The following ASPM variants were observed in gnomAD, a reference collection of about 807,000 sequenced individuals.
ASPM encodes assembly factor for spindle microtubules, also known as abnormal spindle-like microcephaly-associated protein.
ASPM carries 256 observed loss-of-function variants against 366.4 expected under a neutral mutation model. The observed-to-expected ratio is 0.70, with a 90% CI of 0.63 to 0.77. ASPM has a LOEUF of 0.77. Ranked by LOEUF, ASPM falls within the 30% of genes least tolerant of loss-of-function variation. The pLI, the probability that ASPM is intolerant of heterozygous loss-of-function variation, is 0.00. For missense variants in ASPM, 4,146 were observed against 4,090.4 expected (o/e 1.01, Z -0.37); for synonymous variants, 1,414 against 1,342.9 (o/e 1.05, Z -1.16).
Position 197,102,259 on chromosome 1 carries a change from A to G in ASPM, c.6992T>C (p.Met2331Thr). ...SYRRWMIRKR[M>T]REMHRAATFI... is the part of the protein sequence containing the mutation. ...AGTAGCAGCCCTGTGCATCTCTCGC[A>G]TCCTTTTCCTTATCATCCATCTTCT... Residue 2331 changes from methionine (M) to threonine (T), a missense_variant, in exon 18 of 28, where the codon ATG (methionine) becomes ACG (threonine). By Grantham distance (81) the Met-to-Thr change is moderately conservative. Around this residue, in one of 3 missense-constraint regions of ASPM, gnomAD observed 3,624 missense variants for 3,591.7 expected, o/e 1.01. Transcript: ENST00000367409. The G allele has an allele frequency of 6.2e-7, 1 of 1,612,860 alleles. No homozygotes were observed. The highest frequency in any genetic ancestry group is 8.5e-7 in the Non-Finnish European group (1 of 1,179,306).
chr1:197,146,152 A>G lies in ASPM; in HGVS notation c.286T>C (p.Phe96Leu). 6.2e-7 allele frequency: 1 copy of G among 1,614,002 alleles called. No homozygotes were observed. Among genetic ancestry groups the G allele is most frequent in the Non-Finnish European group, 8.5e-7 (1 of 1,179,992 alleles). The change falls in exon 1 of 28, where the codon TTC becomes CTC. Residue 96 changes from phenylalanine (F) to leucine (L), a missense_variant. Transcript: ENST00000367409. ...DLGFSVSQRC[F>L]VLQPKEKIVI... ...CTCCTGAGACCTACCTGCAACACGA[A>G]ACAGCGCTGCGACACACTGAAGCCC...
chr1:197,097,986 A>G (rs902943919), intron 18 of ASPM, among the ~76,000 whole-genome samples: 3 of 146,612 alleles, frequency 2.0e-5, no homozygotes, highest in African/African-American at 4.9e-5. Flanking sequence ...ACGTGTGTGT[A>G]TATATATATT....
intron 26 of ASPM, among the ~76,000 whole-genome samples, chr1:197,087,857 T>C (rs1353283579): frequency 1.3e-5 from 2 of 152,156 alleles, no homozygotes; most frequent in South Asian, 2.1e-4. Context: ...AGTCCAATTA[T>C]GGCCTATGGT....
rs749600804 is a variant in ASPM, at chr1:197,125,123, C to T, written c.3005G>A (p.Arg1002His). Residue 1002 changes from arginine to histidine, a missense_variant, in exon 11 of 28, where the codon CGT becomes CAT. Transcript: ENST00000367409. ...GTCAACATTGTGCATCTTTTGAAGA[C>T]GACTTATTGCCGGAATCCTGAGTTT... Reference protein sequence around the residue: ...SKKLRIPAISRLQKMHNVDIV... With the variant: ...SKKLRIPAISHLQKMHNVDIV... 33 of 1,613,776 alleles carry T rather than the reference C, an allele frequency of 2.0e-5. No homozygotes were observed. Among genetic ancestry groups the T allele is most frequent in the African/African-American group, 1.7e-4 (13 of 74,890 alleles).
intron 6 of ASPM, among the ~76,000 whole-genome samples, chr1:197,132,876 TAGAA>T (rs1349202692): frequency 6.6e-6 from 1 of 151,986 alleles, no homozygotes; most frequent in Non-Finnish European, 1.5e-5. Context: ...AGCCTAAGCA[TAGAA>T]AAACAAATAC....
At chr1:197,114,849 AG>A (rs771445609) in intron 17 of ASPM, among the ~76,000 whole-genome samples, 2 of 152,314 alleles carry the variant, frequency 1.3e-5, no homozygotes, top group South Asian at 2.1e-4. Context: ...CCCAGGTTCA[AG>A]GGATTTGCCT....
chr1:197,093,108 T>A lies in ASPM; in HGVS notation c.9238A>T (p.Lys3080Ter), dbSNP rs199422186. ...KHERIKYIEF[K>*]KSTVILQALV... is the part of the protein sequence containing the mutation. ...GCTTGTAGGATAACTGTAGATTTTT[T>A]AAATTCAATATATTTTATCCTTTCA... The change falls in exon 21 of 28, where the codon AAA becomes TAA. Residue 3080 changes from lysine to a stop codon, truncating the protein, a stop_gained. Transcript: ENST00000367409. LOFTEE classifies it high-confidence loss of function. 5 of 1,612,210 alleles carry A rather than the reference T, an allele frequency of 3.1e-6. No individual in the cohort carries two copies. The highest frequency in any genetic ancestry group is 2.7e-5 in the African/African-American group (2 of 74,844).
chr1:197,120,911 G>A (rs149194515), intron 16 of ASPM, among the ~76,000 whole-genome samples: 4 of 152,206 alleles, frequency 2.6e-5, no homozygotes, highest in African/African-American at 7.2e-5. Flanking sequence ...GTTTGAGTAG[G>A]GGAAAAGAAA....
At chr1:197,118,230 G>C (rs866540705) in intron 16 of ASPM, among the ~76,000 whole-genome samples, 2 of 152,044 alleles carry the variant, frequency 1.3e-5, no homozygotes, top group Non-Finnish European at 2.9e-5. Context: ...ATAAAGATTA[G>C]ACATGTTTGA....
At chr1:197,119,976 A>G (rs1657854212) in intron 16 of ASPM, among the ~76,000 whole-genome samples, 1 of 152,162 alleles carries the variant, frequency 6.6e-6, no homozygotes, top group South Asian at 2.1e-4. Context: ...CCTGCTGCTT[A>G]ATGTTCTAAA....
In ASPM at chr1:197,096,097, G is replaced by C. The variant is rs747691486; in HGVS notation, c.8888C>G (p.Ala2963Gly). Reference protein sequence around the residue: ...CKVKAACKIQAWYRCWRAHKE... With the variant: ...CKVKAACKIQGWYRCWRAHKE... ...GTGTGCTCTCCAACATCTATACCAGGCTTGAATCTTGCAGGCAGCTTTCAC... is the reference window on the plus strand; with the variant it reads ...GTGTGCTCTCCAACATCTATACCAGCCTTGAATCTTGCAGGCAGCTTTCAC... The change falls in exon 19 of 28, where the codon GCC becomes GGC. Residue 2963 changes from alanine to glycine, a missense_variant. Physicochemically the swap from Ala to Gly is moderately conservative, Grantham distance 60. Around this residue, in one of 3 missense-constraint regions of ASPM, gnomAD observed 3,624 missense variants for 3,591.7 expected, o/e 1.01. Transcript: ENST00000367409. 2 of 1,609,638 alleles carry C rather than the reference G, an allele frequency of 1.2e-6. No individual in the cohort carries two copies. The highest frequency in any genetic ancestry group is 1.7e-6 in the Non-Finnish European group (2 of 1,176,748).
Position 197,090,040 on chromosome 1 carries a change from G to A in ASPM, c.9874C>T (p.Gln3292Ter), listed in dbSNP as rs2125087894. Reference protein sequence around the residue: ...LSPLCCENMAQSGAISKIFVL... With the variant: ...LSPLCCENMA ...AATATTTTAGAAATTGCTCCACTCT[G>A]GGCCATGTTCTCACAACAAAGTGGA... Residue 3292 changes from glutamine to a stop codon, truncating the protein, a stop_gained, in exon 25 of 28, where the codon CAG (glutamine) becomes TAG (stop). Transcript: ENST00000367409. LOFTEE classifies it high-confidence loss of function. 1.2e-6 allele frequency: 2 copies of A among 1,613,344 alleles called. No homozygotes were observed. The highest frequency in any genetic ancestry group is 1.7e-6 in the Non-Finnish European group (2 of 1,179,634).
In ASPM at chr1:197,146,359, G is replaced by A. The variant is rs773501151; in HGVS notation, c.79C>T (p.Pro27Ser). The stretch of plus-strand genomic sequence containing the variant: ...GAAGACGCCTCCTCCTCGGCCGCGG[G>A]GCCCCGCAGCCCCGCGGGCGGCCTC... ...ERRPPAGLRGPAAEEEASSPP... is the reference protein window; with the variant it reads ...ERRPPAGLRGSAAEEEASSPP... Residue 27 changes from proline (P) to serine (S), a missense_variant, in exon 1 of 28, where the codon CCC becomes TCC. Pro to Ser is a moderately conservative substitution (Grantham distance 74). Around this residue, in one of 3 missense-constraint regions of ASPM, gnomAD observed 512 missense variants for 471.7 expected, o/e 1.09. Coordinates refer to ENST00000367409, the MANE Select transcript of ASPM (RefSeq NM_018136.5). 3 of 1,610,500 alleles carry A rather than the reference G, an allele frequency of 1.9e-6. No homozygotes were observed. Among genetic ancestry groups the A allele is most frequent in the Non-Finnish European group, 2.5e-6 (3 of 1,179,420 alleles).
In ASPM at chr1:197,146,305, A is replaced by G. The variant is rs1193964071; in HGVS notation, c.133T>C (p.Cys45Arg). 2 of 1,614,054 alleles carry G rather than the reference A, an allele frequency of 1.2e-6. No individual in the cohort carries two copies. Among genetic ancestry groups the G allele is most frequent in the East Asian group, 4.5e-5 (2 of 44,850 alleles). The change falls in exon 1 of 28, where the codon TGC becomes CGC. Residue 45 changes from cysteine (C) to arginine (R), a missense_variant. Cys to Arg is a radical substitution (Grantham distance 180). Coordinates refer to ENST00000367409, the MANE Select transcript of ASPM (RefSeq NM_018136.5). ...SPPVLSLSHF[C>R]RSPFLCFGDV... ...CCGAAGCAAAGGAAAGGAGACCTGCAGAAGTGGCTGAGAGACAGGACCGGC... is the reference window on the plus strand; with the variant it reads ...CCGAAGCAAAGGAAAGGAGACCTGCGGAAGTGGCTGAGAGACAGGACCGGC...
In ASPM at chr1:197,101,175, G is replaced by T. The variant is rs1333499190; in HGVS notation, c.8076C>A (p.Ala2692=). ...TTCGATAGAATGACTGAATTAGTGT[G>T]GCAGCCCGGTGCATATTTTGAATAT... The part of the protein sequence containing the change: ...RKDIQNMHRA[A]TLIQSFYRMH... Residue 2692 remains alanine (A), a synonymous_variant, in exon 18 of 28, where the codon GCC becomes GCA. Coordinates refer to ENST00000367409, the MANE Select transcript of ASPM (RefSeq NM_018136.5). 6.2e-7 allele frequency: 1 copy of T among 1,612,416 alleles called. No individual in the cohort carries two copies. Among genetic ancestry groups the T allele is most frequent in the Admixed American group, 1.7e-5 (1 of 59,748 alleles).
chr1:197,101,231 A>G lies in ASPM; in HGVS notation c.8020T>C (p.Ser2674Pro). 1.2e-6 allele frequency: 2 copies of G among 1,612,278 alleles called. No homozygotes were observed. Among genetic ancestry groups the G allele is most frequent in the Non-Finnish European group, 1.7e-6 (2 of 1,179,032 alleles). The change falls in exon 18 of 28, where the codon TCT becomes CCT. Residue 2674 changes from serine to proline, a missense_variant. By Grantham distance (74) the Ser-to-Pro change is moderately conservative. Around this residue, in one of 3 missense-constraint regions of ASPM, gnomAD observed 3,624 missense variants for 3,591.7 expected, o/e 1.01. Transcript: ENST00000367409. ...VRTQAVICIQ[S>P]YYRGFKVRKD... ...CGTACTTTAAAGCCTCTGTAATAAG[A>G]CTGTATACAAATAACTGCTTGGGTA...
chr1:197,100,250 G>T (rs768949034), intron 18 of ASPM, among the ~76,000 whole-genome samples, 181 bp downstream of exon 18: 3 of 151,668 alleles, frequency 2.0e-5, no homozygotes, highest in Admixed American at 1.3e-4. Flanking sequence ...GTTCTGTGCT[G>T]TCTTGGCTGA....
chr1:197,120,318 G>A (rs752856344), intron 16 of ASPM, among the ~76,000 whole-genome samples: 6 of 152,018 alleles, frequency 3.9e-5, no homozygotes, highest in Non-Finnish European at 8.8e-5. Context: ...ATCACTTGAG[G>A]CAGGAGTTTA....
chr1:197,140,363 C>T (rs1658543791), intron 3 of ASPM, among the ~76,000 whole-genome samples: 1 of 152,200 alleles, frequency 6.6e-6, no homozygotes, highest in Non-Finnish European at 1.5e-5. Flanking sequence ...TAGGAAATGA[C>T]ATACAAGAGG....
Sources: allele counts gnomAD v4.1 joint callset (sites outside exome capture counted in the v4.1 genomes callset), GRCh38; gene constraint gnomAD v4.1.1; regional missense constraint gnomAD v4.1.1; transcripts MANE v1.5; gene names NCBI Gene and HGNC (gene_info 2026-07-23, HGNC 2026-07-21).